Variants in XIAP observed in about 807,000 individuals in gnomAD.
XIAP encodes the protein X-linked inhibitor of apoptosis.
XIAP carries 3 observed loss-of-function variants against 33.1 expected under a neutral mutation model. The observed-to-expected ratio is 0.09, with a 90% CI of 0.04 to 0.23. The LOEUF (loss-of-function observed/expected upper bound fraction) is 0.23, where lower values mean the gene tolerates loss of function less well. Among genes scored for constraint, XIAP ranks in the 10% least tolerant of loss-of-function variants. XIAP has a pLI of 1.00. For synonymous variants in XIAP, 98 were observed against 121.3 expected (o/e 0.81, Z 1.26); for missense variants, 264 against 363.0 (o/e 0.73, Z 2.22).
intron 1 of XIAP, among the ~76,000 whole-genome samples, chrX:123,880,439 T>TAAA (rs35181194): frequency 1.2e-5 from 1 of 81,013 alleles, no homozygotes; most frequent in African/African-American, 4.5e-5. Context: ...AAAACCCTAA[T>TAAA]AAAAAAAAAA....
At chrX:123,893,733 C>T (rs2053432181) in intron 5 of XIAP, among the ~76,000 whole-genome samples, 1 of 110,703 alleles carries the variant, frequency 9.0e-6, no homozygotes, top group Admixed American at 9.7e-5. Context: ...TCCAGCTACT[C>T]GGGAGGCCGA....
intron 1 of XIAP, among the ~76,000 whole-genome samples, chrX:123,871,824 C>T (rs896568536): frequency 5.4e-5 from 6 of 110,939 alleles, no homozygotes; most frequent in Admixed American, 4.9e-4. Flanking sequence ...TAATAATGGC[C>T]GGGTGCGGTG....
intron 3 of XIAP, among the ~76,000 whole-genome samples, chrX:123,890,940 C>CAA (rs150056280): frequency 1.3e-5 from 1 of 78,184 alleles, no homozygotes. Flanking sequence ...GACTCTGTCT[C>CAA]AAAAAAAAAA....
intron 1 of XIAP, among the ~76,000 whole-genome samples, chrX:123,877,690 A>G (rs1025281162): frequency 1.8e-5 from 2 of 111,954 alleles, no homozygotes; most frequent in African/African-American, 6.5e-5. Flanking sequence ...TTTAAAGAAT[A>G]TAGCCACGCA....
chrX:123,876,781 T>C (rs2053249471), intron 1 of XIAP, among the ~76,000 whole-genome samples: 1 of 111,888 alleles, frequency 8.9e-6, no homozygotes, highest in Non-Finnish European at 1.9e-5. Context: ...TACCACATAT[T>C]TCTATCAATG....
intron 6 of XIAP, among the ~76,000 whole-genome samples, chrX:123,901,084 G>A (rs1024653233): frequency 9.0e-6 from 1 of 110,991 alleles, no homozygotes; most frequent in African/African-American, 3.3e-5. Flanking sequence ...ATCATGGGGG[G>A]GTCTCATCTT....
Position 123,886,007 on chromosome X carries a change from C to T in XIAP, c.345C>T (p.Tyr115=), listed in dbSNP as rs761159697. 5 of 1,211,865 alleles carry T rather than the reference C, an allele frequency of 4.1e-6. No individual in the cohort carries two copies. The highest frequency in any genetic ancestry group is 4.5e-6 in the Non-Finnish European group (4 of 895,580). ...ATTCTGGTATCCAGAATGGTCAGTA[C>T]AAAGTTGAAAACTATCTGGGAAGCA... ...STNSGIQNGQ[Y]KVENYLGSRD... The change falls in exon 2 of 7, where the codon TAC becomes TAT. Residue 115 remains tyrosine, a synonymous_variant. Coordinates refer to ENST00000371199, the MANE Select transcript of XIAP (RefSeq NM_001167.4).
chrX:123,869,776 G>A (rs754799317), intron 1 of XIAP, among the ~76,000 whole-genome samples: 6 of 111,703 alleles, frequency 5.4e-5, no homozygotes, highest in African/African-American at 1.9e-4. Context: ...TCATATTTCA[G>A]ATGAGGCCTA....
chrX:123,903,741 A>T (rs1277917143), intron 6 of XIAP, among the ~76,000 whole-genome samples: 1 of 106,301 alleles, frequency 9.4e-6, no homozygotes, highest in Admixed American at 1.0e-4. Context: ...GTACATTTAC[A>T]TTGTTGCACA....
intron 1 of XIAP, among the ~76,000 whole-genome samples, chrX:123,867,484 C>G (rs1258372718): frequency 1.8e-5 from 2 of 108,733 alleles, no homozygotes; most frequent in Non-Finnish European, 3.8e-5. Flanking sequence ...AGTGATTCTC[C>G]TGCCTGAGCC....
At chrX:123,876,309 A>G (rs746423135) in intron 1 of XIAP, among the ~76,000 whole-genome samples, 1 of 111,247 alleles carries the variant, frequency 9.0e-6, no homozygotes, top group Admixed American at 9.7e-5. Flanking sequence ...AGGTAGTGAC[A>G]GGACACTGCC....
At position 123,913,024 on chromosome X, in the gene XIAP, G is replaced by C. The variant is rs1366228922; in HGVS notation, c.*5843G>C. ...TCGAACTCCTGATCTCAGGTGATCT[G>C]CCTGCCTCGGCCTCACAAAGTGCTG... On this transcript the variant is annotated 3_prime_UTR_variant, in exon 7 of 7. Coordinates refer to ENST00000371199, the MANE Select transcript of XIAP (RefSeq NM_001167.4). 3.4e-6 allele frequency: 1 copy of C among 294,016 alleles called. No homozygotes were observed. The highest frequency in any genetic ancestry group is 1.1e-4 in the East Asian group (1 of 9,114). The allele number at this position is 294,016 out of a possible 1,213,427, so 24.2% of individuals were successfully genotyped here. A position where few individuals can be genotyped will look rare whatever the true frequency, so the allele number is the denominator to read the frequency against.
chrX:123,869,347 T>C (rs1341020354), intron 1 of XIAP, among the ~76,000 whole-genome samples: 1 of 45,770 alleles, frequency 2.2e-5, no homozygotes, highest in African/African-American at 1.0e-4. Flanking sequence ...AAACCCCATC[T>C]CTACTAAAAA....
intron 1 of XIAP, among the ~76,000 whole-genome samples, chrX:123,881,265 C>T (rs1042261383): frequency 2.7e-5 from 3 of 111,349 alleles, no homozygotes; most frequent in African/African-American, 9.8e-5. Flanking sequence ...TCACCCTTGT[C>T]TAATATTCAT....
Position 123,886,019 on chromosome X carries a change from C to G in XIAP, c.357C>G (p.Asn119Lys), listed in dbSNP as rs771642087. Reference sequence around the variant, plus strand: ...AGAATGGTCAGTACAAAGTTGAAAACTATCTGGGAAGCAGAGATCATTTTG... The same window carrying G: ...AGAATGGTCAGTACAAAGTTGAAAAGTATCTGGGAAGCAGAGATCATTTTG... ...GIQNGQYKVENYLGSRDHFAL... is the reference protein window; with the variant it reads ...GIQNGQYKVEKYLGSRDHFAL... The change falls in exon 2 of 7, where the codon AAC becomes AAG. Residue 119 changes from asparagine (N) to lysine (K), a missense_variant. Asn to Lys is a moderately conservative substitution (Grantham distance 94). Coordinates refer to ENST00000371199, the MANE Select transcript of XIAP (RefSeq NM_001167.4). The G allele has an allele frequency of 8.3e-6, 10 of 1,211,863 alleles. No individual in the cohort carries two copies. In the South Asian group the frequency reaches 1.8e-4, roughly 21 times the overall value.
chrX:123,896,549 G>C (rs1467066034), intron 5 of XIAP, among the ~76,000 whole-genome samples: 1 of 107,810 alleles, frequency 9.3e-6, no homozygotes, highest in African/African-American at 3.4e-5. Flanking sequence ...TTTATGATTT[G>C]CAAGTATTTT....
chrX:123,867,652 G>T (rs1330496557), intron 1 of XIAP, among the ~76,000 whole-genome samples: 6 of 104,349 alleles, frequency 5.7e-5, no homozygotes, highest in South Asian at 8.7e-4. Context: ...GATTACAGGT[G>T]TGAGCCCCCG....
chrX:123,873,582 G>GT (rs1273330121), intron 1 of XIAP, among the ~76,000 whole-genome samples: 2 of 109,325 alleles, frequency 1.8e-5, no homozygotes, highest in African/African-American at 6.6e-5. Flanking sequence ...GAGATGAGGA[G>GT]TTTGAGACCA....
intron 5 of XIAP, among the ~76,000 whole-genome samples, chrX:123,897,372 G>T (rs1459879211): frequency 8.9e-6 from 1 of 111,861 alleles, no homozygotes; most frequent in Non-Finnish European, 1.9e-5. Context: ...GTTTTATGGT[G>T]TTATATCTTA....
Sources: gnomAD v4.1 joint callset for allele counts (sites outside exome capture counted in the v4.1 genomes callset) on GRCh38, gnomAD v4.1.1 for gene constraint, MANE v1.5 for transcripts, NCBI Gene and HGNC (gene_info 2026-07-23, HGNC 2026-07-21) for gene names.